Variants in GNAI1 observed in about 807,000 individuals in gnomAD.
The protein encoded by GNAI1 is G protein subunit alpha i1.
Under a neutral mutation model 38.9 loss-of-function variants are expected in GNAI1, and 11 were observed. The ratio of observed to expected loss-of-function variants is 0.28; its 90% confidence interval spans 0.18 to 0.47. The LOEUF (loss-of-function observed/expected upper bound fraction) is 0.47, where lower values mean the gene tolerates loss of function less well. Ranked by LOEUF, GNAI1 falls within the 20% of genes least tolerant of loss-of-function variation. The pLI is 0.99. For missense variants in GNAI1, 317 were observed against 436.9 expected (o/e 0.73, Z 2.45); for synonymous variants, 166 against 145.1 (o/e 1.14, Z -1.04).
chr7:80,202,366 G>A (rs1466790516), intron 4 of GNAI1, among the ~76,000 whole-genome samples: 1 of 152,146 alleles, frequency 6.6e-6, no homozygotes, highest in Non-Finnish European at 1.5e-5. Context: ...GGGATTACAG[G>A]CGCCAGCCAC....
In GNAI1 at chr7:80,217,601, G is replaced by A; in HGVS notation, c.*108G>A. On this transcript the variant is annotated 3_prime_UTR_variant, in exon 8 of 8. Coordinates refer to ENST00000649796, the MANE Select transcript of GNAI1 (RefSeq NM_002069.6). ...ACACAGAATGTAATATAAGGCAAAT[G>A]CATCTGGGACTTGACCAAAGTTGTT... is the stretch of plus-strand genomic sequence containing the variant. 1 of 574,810 alleles carries A rather than the reference G, an allele frequency of 1.7e-6. No homozygotes were observed. Among genetic ancestry groups the A allele is most frequent in the Non-Finnish European group, 2.9e-6 (1 of 343,980 alleles). 35.6% of individuals were successfully genotyped at this position (574,810 alleles called of 1,614,324 possible).
intron 1 of GNAI1, among the ~76,000 whole-genome samples, chr7:80,153,719 AG>A (rs771250442): frequency 4.6e-5 from 7 of 152,048 alleles, no homozygotes; most frequent in Non-Finnish European, 8.8e-5. Flanking sequence ...GTCAAGAAGG[AG>A]AAAATAAATT....
In GNAI1 at chr7:80,223,418, T is replaced by C. The variant is rs998472455; in HGVS notation, c.*5925T>C. Among the ~76,000 whole-genome samples the C allele has an allele frequency of 2.0e-5, 3 of 152,242 alleles. No homozygotes were observed. Among genetic ancestry groups the C allele is most frequent in the Admixed American group, 6.5e-5 (1 of 15,284 alleles). Reference sequence around the variant, plus strand: ...TCTTCAAAATAAACCACTGTGAAGATTGGATATTACCTTGGATTTTCTGTT... The same window carrying C: ...TCTTCAAAATAAACCACTGTGAAGACTGGATATTACCTTGGATTTTCTGTT... On this transcript the variant is annotated 3_prime_UTR_variant, in exon 8 of 8. Coordinates refer to ENST00000649796, the MANE Select transcript of GNAI1 (RefSeq NM_002069.6).
At chr7:80,217,236 G>GACTTCAGTTTCATATGTATTAAACTT in intron 7 of GNAI1, 67 bp from the exon 8 acceptor site, 1 of 1,046,526 alleles carries the variant, frequency 9.6e-7, no homozygotes, top group Non-Finnish European at 1.4e-6. Context: ...GTATGAAACT[G>GACTTCAGTTTCATATGTATTAAACTT]AATTCAGTAT....
intron 5 of GNAI1, among the ~76,000 whole-genome samples, chr7:80,208,730 C>G (rs1470157817): frequency 6.6e-6 from 1 of 152,166 alleles, no homozygotes; most frequent in African/African-American, 2.4e-5. Flanking sequence ...CTCTTCCACT[C>G]TCATTTTACT....
intron 3 of GNAI1, among the ~76,000 whole-genome samples, chr7:80,193,009 GTT>G (rs57665299): frequency 4.7e-5 from 7 of 148,716 alleles, no homozygotes; most frequent in South Asian, 4.3e-4. Flanking sequence ...TTGTTTTATT[GTT>G]TTTTTTTTTG....
At chr7:80,196,783 A>T (rs531427537) in intron 3 of GNAI1, among the ~76,000 whole-genome samples, 2 of 151,902 alleles carry the variant, frequency 1.3e-5, no homozygotes, top group South Asian at 2.1e-4. Context: ...ATCCCAGTAA[A>T]TTTTTTTTAA....
intron 1 of GNAI1, among the ~76,000 whole-genome samples, chr7:80,159,906 T>C (rs1040896885): frequency 5.0e-5 from 4 of 80,282 alleles, no homozygotes; most frequent in African/African-American, 9.3e-5. Context: ...ATTAGAGATA[T>C]ATGTTAAGTG....
intron 1 of GNAI1, among the ~76,000 whole-genome samples, chr7:80,188,680 ATCTAC>A (rs1788428687): frequency 6.6e-6 from 1 of 152,190 alleles, no homozygotes; most frequent in African/African-American, 2.4e-5. Flanking sequence ...AACAGCTGTC[ATCTAC>A]TCATTTAGCA....
In GNAI1 at chr7:80,135,030, A is replaced by C; in HGVS notation, c.-131A>C. ...GCGTCTCCCTCGACTCCGCTTAGGA[A>C]GTGGTGGGGGCGGCGTGGCCCCCGT... On this transcript the variant is annotated 5_prime_UTR_variant, in exon 1 of 8. Coordinates refer to ENST00000649796, the MANE Select transcript of GNAI1 (RefSeq NM_002069.6). 2.1e-6 allele frequency: 1 copy of C among 467,572 alleles called. No individual in the cohort carries two copies. Among genetic ancestry groups the C allele is most frequent in the Non-Finnish European group, 3.7e-6 (1 of 271,114 alleles). 29.0% of individuals were successfully genotyped at this position (467,572 alleles called of 1,614,324 possible). A position where few individuals can be genotyped will look rare whatever the true frequency, so the allele number is the denominator to read the frequency against.
chr7:80,212,972 G>A, intron 7 of GNAI1, 103 bp downstream of exon 7: 1 of 802,132 alleles, frequency 1.2e-6, no homozygotes, highest in East Asian at 2.8e-5. Flanking sequence ...TTGGCTTAGT[G>A]ATTCTTAGAC....
chr7:80,201,371 C>T (rs1305761623), intron 4 of GNAI1, among the ~76,000 whole-genome samples: 1 of 152,138 alleles, frequency 6.6e-6, no homozygotes, highest in Non-Finnish European at 1.5e-5. Context: ...CAGACCCCCT[C>T]AGTCTCTTGT....
At chr7:80,209,815 T>G (rs749999947) in intron 5 of GNAI1, among the ~76,000 whole-genome samples, 4 of 152,232 alleles carry the variant, frequency 2.6e-5, no homozygotes, top group Non-Finnish European at 5.9e-5. Context: ...TTGTTCTTGT[T>G]TGATCGTTAT....
chr7:80,176,473 T>G (rs536731616), intron 1 of GNAI1, among the ~76,000 whole-genome samples: 51 of 152,218 alleles, frequency 3.4e-4, no homozygotes, highest in Non-Finnish European at 5.0e-4. Flanking sequence ...CAGCCTTCTA[T>G]TTGAAGAAAG....
chr7:80,202,623 A>G (rs894708831), intron 4 of GNAI1, among the ~76,000 whole-genome samples: 10 of 152,214 alleles, frequency 6.6e-5, no homozygotes, highest in Non-Finnish European at 8.8e-5. Context: ...CAATACAGGT[A>G]ACTCAGGCTG....
At chr7:80,204,928 A>G (rs1428430256) in intron 5 of GNAI1, among the ~76,000 whole-genome samples, 2 of 149,116 alleles carry the variant, frequency 1.3e-5, no homozygotes, top group African/African-American at 5.0e-5. Flanking sequence ...AATATTTAAA[A>G]ATACAGATGT....
intron 3 of GNAI1, among the ~76,000 whole-genome samples, chr7:80,196,805 T>A (rs1788584906): frequency 6.6e-6 from 1 of 151,942 alleles, no homozygotes; most frequent in Non-Finnish European, 1.5e-5. Flanking sequence ...GAAAAGAGGC[T>A]TGAAAAAATT....
intron 1 of GNAI1, among the ~76,000 whole-genome samples, chr7:80,163,822 G>A (rs981173276): frequency 1.3e-5 from 2 of 151,968 alleles, no homozygotes; most frequent in Admixed American, 6.6e-5. Context: ...AATATCATGC[G>A]GCATATTGTA....
chr7:80,175,746 A>G (rs1270681981), intron 1 of GNAI1, among the ~76,000 whole-genome samples: 1 of 152,174 alleles, frequency 6.6e-6, no homozygotes, highest in Non-Finnish European at 1.5e-5. Context: ...TTAGAGTGCC[A>G]TAAACTCTGC....
Sources: allele counts gnomAD v4.1 joint callset (sites outside exome capture counted in the v4.1 genomes callset), GRCh38; gene constraint gnomAD v4.1.1; transcripts MANE v1.5; gene names NCBI Gene and HGNC (gene_info 2026-07-23, HGNC 2026-07-21).